CRB1: variants seen among roughly 807,000 people sequenced by gnomAD.
CRB1 encodes the protein crumbs cell polarity complex component 1.
A neutral mutation model predicts 120.0 loss-of-function variants in CRB1; 83 were observed. The observed-to-expected ratio is 0.69, with a 90% CI of 0.58 to 0.83. The LOEUF is 0.83. Among genes scored for constraint, CRB1 ranks in the 40% least tolerant of loss-of-function variants. The probability of loss-of-function intolerance (pLI) is 0.00; values close to 1 mark genes in which losing one functional copy is unlikely to be tolerated. For synonymous variants in CRB1, 625 were observed against 612.5 expected, an observed-to-expected ratio of 1.02 and a Z score of -0.30; for missense variants, 1,699 against 1,687.6, an observed-to-expected ratio of 1.01 and a Z score of -0.12.
At chr1:197,242,408 G>C in the CRB1 span, among the ~76,000 whole-genome samples, 1 of 152,128 alleles carries the variant, frequency 6.6e-6, no homozygotes, top group South Asian at 2.1e-4. Flanking sequence ...TTTTATCAAA[G>C]GCCTTTTCTG....
intron 2 of CRB1, among the ~76,000 whole-genome samples, chr1:197,342,983 A>C (rs577182655): frequency 9.4e-4 from 143 of 152,350 alleles, no homozygotes; most frequent in African/African-American, 3.3e-3. Flanking sequence ...CTCAAAGAGC[A>C]AGCCACTTAC....
chr1:197,293,447 T>C (rs910871315), intron 1 of CRB1, among the ~76,000 whole-genome samples: 1 of 152,180 alleles, frequency 6.6e-6, no homozygotes, highest in African/African-American at 2.4e-5. Context: ...TCCATGCTCA[T>C]GGATAGGAAG....
intron 7 of CRB1, chr1:197,429,024 T>G (rs1180542702): frequency 1.3e-6 from 2 of 1,506,356 alleles, no homozygotes; most frequent in Non-Finnish European, 1.8e-6. Flanking sequence ...CCAGAGGACC[T>G]AAGTACCAAG....
At chr1:197,375,484 G>T (rs1385961892) in intron 5 of CRB1, among the ~76,000 whole-genome samples, 1 of 152,134 alleles carries the variant, frequency 6.6e-6, no homozygotes, top group Admixed American at 6.6e-5. Context: ...AATCCTGAGA[G>T]ATGGCCTGGG....
rs1029522274 is a variant in CRB1, at chr1:197,394,493, A to G, written c.1172-26507A>G. Among the ~76,000 whole-genome samples, 5 of 152,180 alleles carry G rather than the reference A, an allele frequency of 3.3e-5. No individual in the cohort carries two copies. In the South Asian group the frequency reaches 1.0e-3, roughly 32 times the overall value. On this transcript the variant is annotated intron_variant, in intron 5 of 11. Transcript: ENST00000367400. ...CAGCCCCCATGATGTTCAAGGGTCA[A>G]CTGTATACCTTTTATATCTACATAC...
rs552246702 is a variant in CRB1 at position 197,330,204 on chromosome 1, GTT to G, written c.652+1204_652+1205del. ...ATACAACCAGTCTTCAGAATCTGCT[GTT>G]TTGACATCTAAGATATGTTCCAAAT... On this transcript the variant is annotated intron_variant, in intron 2 of 11. Transcript: ENST00000367400. Among the ~76,000 whole-genome samples, 53 of 152,162 alleles carry G rather than the reference GTT, an allele frequency of 3.5e-4. No homozygotes were observed. In the South Asian group the frequency reaches 0.011, roughly 30 times the overall value.
intron 1 of CRB1, among the ~76,000 whole-genome samples, chr1:197,291,486 CA>C (rs1279951100): frequency 6.6e-6 from 1 of 151,780 alleles, no homozygotes; most frequent in Non-Finnish European, 1.5e-5. Flanking sequence ...AAAGTAGCTT[CA>C]AATTACTGTT....
At chr1:197,442,073 G>C in intron 10 of CRB1, 93 bp from the exon 11 acceptor site, 1 of 1,461,126 alleles carries the variant, frequency 6.8e-7, no homozygotes, top group Non-Finnish European at 9.6e-7. Context: ...AGACTGTGCT[G>C]TTCCAGAGAG....
chr1:197,351,312 A>T (rs1660084347), intron 4 of CRB1, among the ~76,000 whole-genome samples: 1 of 144,246 alleles, frequency 6.9e-6, no homozygotes. Flanking sequence ...GTGAGCCGAG[A>T]TCGCGCCACT....
chr1:197,244,487 T>C, the CRB1 span, among the ~76,000 whole-genome samples: 7 of 152,086 alleles, frequency 4.6e-5, 1 homozygote. Flanking sequence ...TGTTTTCTTA[T>C]TTGCTTTTCA....
intron 5 of CRB1, among the ~76,000 whole-genome samples, chr1:197,365,503 G>T (rs76525521): frequency 1.3e-5 from 2 of 152,034 alleles, no homozygotes; most frequent in African/African-American, 4.8e-5. Flanking sequence ...TCTGGGGAGG[G>T]GGGGAGAAGG....
intron 5 of CRB1, among the ~76,000 whole-genome samples, chr1:197,368,417 A>C (rs1023760737): frequency 6.6e-6 from 1 of 152,206 alleles, no homozygotes. Context: ...AAAACTATTC[A>C]TAGTGTGTAT....
the CRB1 span, among the ~76,000 whole-genome samples, chr1:197,204,069 C>G: frequency 6.6e-6 from 1 of 152,112 alleles, no homozygotes; most frequent in Non-Finnish European, 1.5e-5. Context: ...TCCTGAGTTA[C>G]TTCACTTAGA....
intron 8 of CRB1, among the ~76,000 whole-genome samples, chr1:197,434,196 T>C (rs1665009635): frequency 6.6e-6 from 1 of 152,164 alleles, no homozygotes; most frequent in Non-Finnish European, 1.5e-5. Context: ...GGAATGCTAC[T>C]TTTAACTGCC....
At chr1:197,381,766 T>G (rs892300717) in intron 5 of CRB1, among the ~76,000 whole-genome samples, 2 of 152,188 alleles carry the variant, frequency 1.3e-5, no homozygotes, top group African/African-American at 4.8e-5. Context: ...CACATCCACT[T>G]AACTAACATG....
intron 1 of CRB1, among the ~76,000 whole-genome samples, chr1:197,298,238 T>C (rs1429607490): frequency 6.6e-6 from 1 of 152,146 alleles, no homozygotes; most frequent in Non-Finnish European, 1.5e-5. Flanking sequence ...TAAAAGAATC[T>C]TATTCTGAGC....
chr1:197,427,425 T>C lies in CRB1; in HGVS notation c.2129-29T>C. 3 of 1,606,544 alleles carry C rather than the reference T, an allele frequency of 1.9e-6. No homozygotes were observed. In the East Asian group the frequency reaches 6.7e-5, roughly 36 times the overall value. On this transcript the variant is annotated intron_variant, in intron 6 of 11. Transcript: ENST00000367400. ...GAGCCTTAAGATGTTTCTTTTTTTT[T>C]CTCCTCCTCCTCTATTTTGACATTG...
the CRB1 span, among the ~76,000 whole-genome samples, chr1:197,247,081 A>G: frequency 4.6e-5 from 7 of 152,070 alleles, no homozygotes; most frequent in African/African-American, 7.2e-5. Context: ...TACAGTTTTC[A>G]GTTTACACCA....
At chr1:197,443,318 T>C (rs192611536) in intron 11 of CRB1, 7 of 152,156 alleles carry the variant, frequency 4.6e-5, no homozygotes, top group Non-Finnish European at 8.8e-5. Context: ...ACTCAAATTA[T>C]ACCTCCCTGG....
Sources: allele counts gnomAD v4.1 joint callset (sites outside exome capture counted in the v4.1 genomes callset), GRCh38; gene constraint gnomAD v4.1.1; transcripts MANE v1.5; gene names NCBI Gene and HGNC (gene_info 2026-07-23, HGNC 2026-07-21).